The following NRG1 variants were observed in gnomAD, a reference collection of about 807,000 sequenced individuals.
NRG1 encodes pro-neuregulin-1, membrane-bound isoform.
NRG1 carries 18 observed loss-of-function variants against 63.8 expected under a neutral mutation model. The observed-to-expected ratio is 0.28, with a 90% CI of 0.19 to 0.42. The LOEUF (loss-of-function observed/expected upper bound fraction) is 0.42, where lower values mean the gene tolerates loss of function less well. Ranked by LOEUF, NRG1 falls within the 10% of genes least tolerant of loss-of-function variation. The pLI, the probability that NRG1 is intolerant of heterozygous loss-of-function variation, is 1.00. For missense variants in NRG1, 762 were observed against 814.7 expected, an observed-to-expected ratio of 0.94 and a Z score of 0.79; for synonymous variants, 302 against 301.3, an observed-to-expected ratio of 1.00 and a Z score of -0.02.
intron 1 of NRG1, among the ~76,000 whole-genome samples, chr8:31,866,244 C>T (rs373178460): frequency 2.0e-5 from 3 of 152,146 alleles, no homozygotes; most frequent in African/African-American, 4.8e-5. Flanking sequence ...CAGCCTTCTT[C>T]ACATCTGTGA....
At chr8:31,887,545 G>A (rs966960677) in intron 1 of NRG1, among the ~76,000 whole-genome samples, 17 of 152,124 alleles carry the variant, frequency 1.1e-4, no homozygotes, top group Non-Finnish European at 2.2e-4. Context: ...GATCACTCTC[G>A]TAGGTGCTAG....
At chr8:32,369,364 G>T (rs1808502529) in intron 1 of NRG1, among the ~76,000 whole-genome samples, 1 of 152,180 alleles carries the variant, frequency 6.6e-6, no homozygotes, top group Non-Finnish European at 1.5e-5. Context: ...TGCCATGTTT[G>T]CCCCATGGCA....
intron 5 of NRG1, among the ~76,000 whole-genome samples, chr8:32,693,054 G>A (rs1227638762): frequency 6.6e-6 from 1 of 152,138 alleles, no homozygotes; most frequent in African/African-American, 2.4e-5. Flanking sequence ...TGTGGACAAC[G>A]AAGAAGTCAC....
intron 1 of NRG1, among the ~76,000 whole-genome samples, chr8:31,758,895 A>G (rs1169283892): frequency 6.6e-6 from 1 of 152,162 alleles, no homozygotes; most frequent in Non-Finnish European, 1.5e-5. Context: ...CCACTGAATG[A>G]CATACTCTGT....
At chr8:32,446,126 A>T (rs1820211034) in intron 1 of NRG1, among the ~76,000 whole-genome samples, 1 of 152,210 alleles carries the variant, frequency 6.6e-6, no homozygotes, top group Non-Finnish European at 1.5e-5. Context: ...CATATAGAGC[A>T]CTATTGGTGT....
intron 10 of NRG1, 120 bp downstream of exon 10, chr8:32,759,556 T>G: frequency 3.2e-6 from 4 of 1,247,946 alleles, no homozygotes; most frequent in Non-Finnish European, 4.3e-6. Context: ...CAGCAACAGA[T>G]TTTGAAAATC....
At chr8:32,129,767 T>C (rs1834563348) in intron 1 of NRG1, among the ~76,000 whole-genome samples, 1 of 151,946 alleles carries the variant, frequency 6.6e-6, no homozygotes, top group Admixed American at 6.6e-5. Flanking sequence ...AAATAAGGCA[T>C]GTGTATAATA....
intron 1 of NRG1, among the ~76,000 whole-genome samples, chr8:32,354,800 TA>T (rs200217923): frequency 0.097 from 11,050 of 113,632 alleles, 491 homozygotes; most frequent in Middle Eastern, 0.21. Context: ...CTGCTTTTTT[TA>T]AAAAAAAAAA....
At chr8:32,754,780 T>C (rs966095833) in intron 8 of NRG1, among the ~76,000 whole-genome samples, 2 of 152,106 alleles carry the variant, frequency 1.3e-5, no homozygotes, top group African/African-American at 4.8e-5. Context: ...TGAAGGCACC[T>C]CATTCTAAAA....
intron 1 of NRG1, among the ~76,000 whole-genome samples, chr8:31,910,634 G>C (rs1257548698): frequency 6.6e-6 from 1 of 152,126 alleles, no homozygotes; most frequent in Admixed American, 6.5e-5. Flanking sequence ...TATATAAAAG[G>C]CTAGAGCTCA....
chr8:32,265,374 G>C (rs1344227750), intron 1 of NRG1, among the ~76,000 whole-genome samples: 1 of 152,016 alleles, frequency 6.6e-6, no homozygotes, highest in Non-Finnish European at 1.5e-5. Context: ...ATTGCTGTCA[G>C]TAAAGACTGA....
chr8:31,773,720 A>G (rs375495996), intron 1 of NRG1, among the ~76,000 whole-genome samples: 108 of 152,268 alleles, frequency 7.1e-4, no homozygotes, highest in Middle Eastern at 3.4e-3. Context: ...TTCTCTCTCC[A>G]TATATAAGTC....
chr8:31,875,609 CT>C (rs1829855239), intron 1 of NRG1, among the ~76,000 whole-genome samples: 1 of 152,142 alleles, frequency 6.6e-6, no homozygotes, highest in African/African-American at 2.4e-5. Flanking sequence ...TTCCTGTCTC[CT>C]CTGCGATTAT....
chr8:32,542,689 A>C (rs1243554153), intron 1 of NRG1, among the ~76,000 whole-genome samples: 1 of 152,216 alleles, frequency 6.6e-6, no homozygotes, highest in Non-Finnish European at 1.5e-5. Context: ...AAGGGAGATA[A>C]GGCTGGGGTG....
rs149136191 is a variant in NRG1, at chr8:31,714,330, GA to G, written c.37+74900del. 3.5e-3 allele frequency among the ~76,000 whole-genome samples: 529 copies of G among 152,018 alleles called. 6 individuals carry two copies. The highest frequency in any genetic ancestry group is 0.011 in the African/African-American group (453 of 41,468). On this transcript the variant is annotated intron_variant, in intron 1 of 10. Transcript: ENST00000519301. Reference sequence around the variant, plus strand: ...GGGATAATTTTATTTATTTTATTAAGATTTTTTTTGTATTGGTGGTCATGTA... The same window carrying G: ...GGGATAATTTTATTTATTTTATTAAGTTTTTTTTGTATTGGTGGTCATGTA...
chr8:31,926,938 G>T (rs528312340), intron 1 of NRG1, among the ~76,000 whole-genome samples: 1 of 152,158 alleles, frequency 6.6e-6, no homozygotes, highest in Admixed American at 6.5e-5. Flanking sequence ...CTCATGTGGT[G>T]GTGCCCCATT....
intron 1 of NRG1, among the ~76,000 whole-genome samples, chr8:32,213,887 C>A (rs1205009464): frequency 6.6e-6 from 1 of 152,094 alleles, no homozygotes; most frequent in African/African-American, 2.4e-5. Flanking sequence ...CTGGTAAGAC[C>A]TTGAGCTAAT....
chr8:31,937,134 G>A (rs327343), intron 1 of NRG1, among the ~76,000 whole-genome samples: 129,122 of 152,134 alleles, frequency 0.85, 55,554 homozygotes, highest in Non-Finnish European at 0.91. Context: ...GTAACATCCT[G>A]TGTTGCCATC....
chr8:31,852,892 C>G (rs569555870), intron 1 of NRG1, among the ~76,000 whole-genome samples: 1 of 152,074 alleles, frequency 6.6e-6, no homozygotes, highest in Non-Finnish European at 1.5e-5. Flanking sequence ...CTTGTTTTTC[C>G]TCAGGTTTGT....
Sources: gnomAD v4.1 joint callset for allele counts (sites outside exome capture counted in the v4.1 genomes callset) on GRCh38, gnomAD v4.1.1 for gene constraint, MANE v1.5 for transcripts, NCBI Gene and HGNC (gene_info 2026-07-23, HGNC 2026-07-21) for gene names.